Variants in NCAM2 observed in about 807,000 individuals in gnomAD.
NCAM2 encodes the protein N-CAM-2.
In NCAM2, 30 loss-of-function variants were observed where a neutral mutation model predicts 98.1. The ratio of observed to expected loss-of-function variants is 0.31; its 90% confidence interval spans 0.23 to 0.41. NCAM2 has a LOEUF of 0.41. NCAM2 is among the 10% of genes least tolerant of loss of function. The pLI is 1.00. For missense variants in NCAM2, 867 were observed against 1,005.8 expected, an observed-to-expected ratio of 0.86 and a Z score of 1.87; for synonymous variants, 368 against 342.4, an observed-to-expected ratio of 1.07 and a Z score of -0.83.
intron 1 of NCAM2, among the ~76,000 whole-genome samples, chr21:21,204,572 C>G (rs2069362808): frequency 6.6e-6 from 1 of 152,046 alleles, no homozygotes. Context: ...TGGATTCTAG[C>G]CAATATTCTG....
chr21:21,103,152 C>A (rs1022589356), intron 1 of NCAM2, among the ~76,000 whole-genome samples: 1 of 151,976 alleles, frequency 6.6e-6, no homozygotes, highest in Non-Finnish European at 1.5e-5. Flanking sequence ...TACAAAACAG[C>A]TATTATTGGG....
At chr21:21,054,001 G>T (rs1348324814) in intron 1 of NCAM2, among the ~76,000 whole-genome samples, 2 of 149,956 alleles carry the variant, frequency 1.3e-5, no homozygotes, top group African/African-American at 4.9e-5. Flanking sequence ...TGATTTCCGT[G>T]TAAGTTTGGA....
chr21:21,469,787 A>G (rs1021534579), intron 14 of NCAM2, among the ~76,000 whole-genome samples: 1 of 152,000 alleles, frequency 6.6e-6, no homozygotes, highest in African/African-American at 2.4e-5. Context: ...ATATCAAATC[A>G]ATTTTTAAAA....
intron 11 of NCAM2, among the ~76,000 whole-genome samples, chr21:21,425,891 T>C (rs1459761563): frequency 1.3e-5 from 2 of 152,164 alleles, no homozygotes; most frequent in Non-Finnish European, 2.9e-5. Flanking sequence ...TATAGCAAAA[T>C]ATATTAGACT....
At chr21:21,019,825 G>A (rs1273831852) in intron 1 of NCAM2, among the ~76,000 whole-genome samples, 1 of 152,070 alleles carries the variant, frequency 6.6e-6, no homozygotes, top group African/African-American at 2.4e-5. Context: ...TAAGTGCCTA[G>A]GGCAGCTGAT....
At chr21:21,482,932 T>G (rs999801437) in intron 15 of NCAM2, among the ~76,000 whole-genome samples, 1 of 152,044 alleles carries the variant, frequency 6.6e-6, no homozygotes, top group African/African-American at 2.4e-5. Flanking sequence ...ATTGGGAAAC[T>G]ATAGCAGATT....
At chr21:21,379,714 A>G (rs2076110289) in intron 9 of NCAM2, among the ~76,000 whole-genome samples, 1 of 152,052 alleles carries the variant, frequency 6.6e-6, no homozygotes, top group Admixed American at 6.6e-5. Context: ...AAGCACATAT[A>G]TTCTGTAGTT....
intron 1 of NCAM2, among the ~76,000 whole-genome samples, chr21:21,234,166 C>T (rs2070732621): frequency 6.6e-6 from 1 of 151,776 alleles, no homozygotes; most frequent in Non-Finnish European, 1.5e-5. Context: ...GATATTTCTG[C>T]ACTATTTTAT....
At chr21:21,224,209 T>C (rs1601694528) in intron 1 of NCAM2, among the ~76,000 whole-genome samples, 1 of 152,174 alleles carries the variant, frequency 6.6e-6, no homozygotes, top group South Asian at 2.1e-4. Context: ...GTTTTTCACA[T>C]TTCCACGCTT....
At chr21:21,337,077 T>C (rs979526606) in intron 7 of NCAM2, among the ~76,000 whole-genome samples, 1 of 152,124 alleles carries the variant, frequency 6.6e-6, no homozygotes, top group African/African-American at 2.4e-5. Flanking sequence ...ATATTTTTTC[T>C]ATAAAACCTA....
chr21:21,243,773 A>G (rs2071160110), intron 1 of NCAM2, among the ~76,000 whole-genome samples: 1 of 152,170 alleles, frequency 6.6e-6, no homozygotes, highest in South Asian at 2.1e-4. Context: ...GCTCACACAC[A>G]TCTGGGAGCC....
intron 1 of NCAM2, among the ~76,000 whole-genome samples, chr21:21,272,934 TCACACA>T (rs61235726): frequency 9.6e-5 from 12 of 124,786 alleles, no homozygotes; most frequent in Admixed American, 7.3e-4. Context: ...GGACATGCAT[TCACACA>T]CACACACACA....
Position 21,305,222 on chromosome 21 carries a change from G to T in NCAM2, c.619+12981G>T, listed in dbSNP as rs1217128404. Among the ~76,000 whole-genome samples, 4 of 152,148 alleles carry T rather than the reference G, an allele frequency of 2.6e-5. No individual in the cohort carries two copies. In the East Asian group the frequency reaches 7.7e-4, roughly 29 times the overall value. ...AATCCCAGATACTCGGGAGGCTGAG[G>T]CATGAGAATTGCTTGAACACGGGAG... On this transcript the variant is annotated intron_variant, in intron 5 of 17. Coordinates refer to ENST00000400546, the MANE Select transcript of NCAM2 (RefSeq NM_004540.5).
chr21:21,067,398 A>G (rs912212657), intron 1 of NCAM2, among the ~76,000 whole-genome samples: 12 of 152,102 alleles, frequency 7.9e-5, no homozygotes, highest in African/African-American at 2.9e-4. Context: ...ACAATATGCT[A>G]CTGACATATA....
rs768652453 is a variant in NCAM2, at chr21:21,491,006, G to A, written c.2077+13535G>A. Among the ~76,000 whole-genome samples the A allele has an allele frequency of 7.2e-5, 11 of 151,800 alleles. No homozygotes were observed. In the South Asian group the frequency reaches 2.1e-3, roughly 29 times the overall value. On this transcript the variant is annotated intron_variant, in intron 15 of 17. Transcript: ENST00000400546. ...TGTTATACGTGTTTTCTTTATTACT[G>A]GTACAGCCTTTTTTGTCCTTGTCGA... is the stretch of plus-strand genomic sequence containing the variant.
intron 11 of NCAM2, 75 bp downstream of exon 11, chr21:21,418,644 TG>T: frequency 9.3e-7 from 1 of 1,071,256 alleles, no homozygotes; most frequent in East Asian, 2.4e-5. Context: ...GTTGATAAAG[TG>T]GTCTCATTTA....
At chr21:21,158,768 AC>A (rs956587875) in intron 1 of NCAM2, among the ~76,000 whole-genome samples, 6 of 152,166 alleles carry the variant, frequency 3.9e-5, no homozygotes, top group Non-Finnish European at 7.3e-5. Context: ...AAAATATAGC[AC>A]ATATGTTTAT....
intron 9 of NCAM2, chr21:21,385,701 A>C (rs1398117239): frequency 7.9e-7 from 1 of 1,267,208 alleles, no homozygotes; most frequent in Non-Finnish European, 1.0e-6. Flanking sequence ...TCCAATTTCT[A>C]AAACAAAGGA....
chr21:21,360,435 T>C (rs1392159320), intron 8 of NCAM2, among the ~76,000 whole-genome samples: 1 of 152,026 alleles, frequency 6.6e-6, no homozygotes, highest in African/African-American at 2.4e-5. Context: ...CACAAAGTTT[T>C]TGTCTGACTA....
Sources: gnomAD v4.1 joint callset for allele counts (sites outside exome capture counted in the v4.1 genomes callset) on GRCh38, gnomAD v4.1.1 for gene constraint, MANE v1.5 for transcripts, NCBI Gene and HGNC (gene_info 2026-07-23, HGNC 2026-07-21) for gene names.